TAFA2: variants seen among roughly 807,000 people sequenced by gnomAD.
TAFA2 encodes the protein TAFA chemokine like family member 2.
In TAFA2, 7 loss-of-function variants were observed where a neutral mutation model predicts 18.8. The ratio of observed to expected loss-of-function variants is 0.37; its 90% CI spans 0.21 to 0.70. TAFA2 has a LOEUF of 0.70. Ranked by LOEUF, TAFA2 falls within the 30% of genes least tolerant of loss-of-function variation. TAFA2 has a pLI of 0.53. For synonymous variants in TAFA2, 60 were observed against 54.2 expected (o/e 1.11, Z -0.47); for missense variants, 122 against 158.1 (o/e 0.77, Z 1.23).
intron 1 of TAFA2, among the ~76,000 whole-genome samples, chr12:61,966,024 C>T (rs993154182): frequency 3.3e-5 from 5 of 151,668 alleles, no homozygotes; most frequent in African/African-American, 7.3e-5. Flanking sequence ...TCGCTGTGAA[C>T]GTGGGGGTAT....
upstream of TAFA2, among the ~76,000 whole-genome samples, chr12:62,194,675 C>A (rs891909198): frequency 6.6e-6 from 1 of 152,158 alleles, no homozygotes; most frequent in African/African-American, 2.4e-5. Context: ...AAAATAAAAT[C>A]TTTTGCATTC....
At chr12:61,713,163 T>G (rs1592338113) in intron 4 of TAFA2, among the ~76,000 whole-genome samples, 1 of 152,282 alleles carries the variant, frequency 6.6e-6, no homozygotes, top group South Asian at 2.1e-4. Flanking sequence ...GTAAACACAA[T>G]GTAGCCCACT....
At chr12:61,735,720 A>AT (rs1868293263) in intron 4 of TAFA2, among the ~76,000 whole-genome samples, 1 of 151,730 alleles carries the variant, frequency 6.6e-6, no homozygotes, top group Non-Finnish European at 1.5e-5. Context: ...TCTTTCACAA[A>AT]TTTTTTAATG....
Position 62,248,105 on chromosome 12 carries a change from C to G in TAFA2, c.-130+10658G>C, listed in dbSNP as rs114822104. On this transcript the variant is annotated intron_variant, in intron 1 of 5. Coordinates refer to the TAFA2 transcript ENST00000551619. ...TAAAAGAAAGCTCTCAGAAAAAAGG[C>G]GGTCCTTTCAACAGGCTTCCACCTC... is the stretch of plus-strand genomic sequence containing the variant. 9.3e-3 allele frequency among the ~76,000 whole-genome samples: 1,414 copies of G among 152,218 alleles called. 19 individuals are homozygous for G. The highest frequency in any genetic ancestry group is 0.028 in the African/African-American group (1,156 of 41,532).
intron 4 of TAFA2, among the ~76,000 whole-genome samples, chr12:61,745,028 A>G (rs1274317890): frequency 6.6e-6 from 1 of 152,232 alleles, no homozygotes; most frequent in East Asian, 1.9e-4. Context: ...TATGTTTCAC[A>G]TCTCCATATC....
chr12:61,869,281 A>T (rs1306639714), intron 1 of TAFA2, among the ~76,000 whole-genome samples: 1 of 152,198 alleles, frequency 6.6e-6, no homozygotes, highest in Non-Finnish European at 1.5e-5. Context: ...AATAATTCAG[A>T]TTATTTTCAT....
At chr12:62,184,502 C>CTTTTTTT (rs10526118) in intron 1 of TAFA2, among the ~76,000 whole-genome samples, 1 of 106,170 alleles carries the variant, frequency 9.4e-6, no homozygotes, top group Non-Finnish European at 1.8e-5. Flanking sequence ...AAAAAAAATT[C>CTTTTTTT]TTTTTTTTTT....
intron 2 of TAFA2, among the ~76,000 whole-genome samples, chr12:61,788,854 G>A (rs1870852792): frequency 6.6e-6 from 1 of 151,680 alleles, no homozygotes; most frequent in African/African-American, 2.4e-5. Context: ...TATAAAATCT[G>A]AACAAACCAA....
chr12:62,174,792 C>T (rs1488000102), intron 1 of TAFA2, among the ~76,000 whole-genome samples: 3 of 152,104 alleles, frequency 2.0e-5, no homozygotes, highest in East Asian at 1.9e-4. Context: ...ATTTTGAATA[C>T]GAATATTTCT....
At chr12:61,956,214 C>G (rs1466547904) in intron 1 of TAFA2, among the ~76,000 whole-genome samples, 2 of 152,062 alleles carry the variant, frequency 1.3e-5, no homozygotes, top group East Asian at 3.9e-4. Context: ...AATTATTTAG[C>G]AATGCATTCC....
chr12:61,867,473 C>G (rs1022649708), intron 1 of TAFA2, 47 bp from the exon 2 acceptor site: 1 of 1,174,612 alleles, frequency 8.5e-7, no homozygotes, highest in African/African-American at 1.5e-5. Context: ...AAATTCATAG[C>G]TTTTCCCTTA....
At chr12:61,849,461 A>G (rs1471484478) in intron 2 of TAFA2, among the ~76,000 whole-genome samples, 2 of 152,204 alleles carry the variant, frequency 1.3e-5, no homozygotes, top group Non-Finnish European at 2.9e-5. Flanking sequence ...TGGTAAATTT[A>G]ATTCCCAGCC....
At chr12:61,832,209 T>G (rs1056895981) in intron 2 of TAFA2, among the ~76,000 whole-genome samples, 1 of 152,048 alleles carries the variant, frequency 6.6e-6, no homozygotes, top group Non-Finnish European at 1.5e-5. Flanking sequence ...AGAATAGCAC[T>G]GTATGGATTT....
chr12:61,762,105 G>T (rs1485189734), intron 2 of TAFA2, among the ~76,000 whole-genome samples: 1 of 152,030 alleles, frequency 6.6e-6, no homozygotes, highest in Non-Finnish European at 1.5e-5. Flanking sequence ...CCAGCATCAT[G>T]CTTGCTGTAC....
chr12:61,775,245 G>A (rs578114747), intron 2 of TAFA2, among the ~76,000 whole-genome samples: 4 of 151,832 alleles, frequency 2.6e-5, no homozygotes, highest in African/African-American at 4.8e-5. Flanking sequence ...AAGACAATAC[G>A]GTAGTTTCAT....
intron 2 of TAFA2, among the ~76,000 whole-genome samples, chr12:61,818,553 C>A (rs1872190564): frequency 6.6e-6 from 1 of 151,122 alleles, no homozygotes; most frequent in East Asian, 2.0e-4. Context: ...CTATTGTATA[C>A]CCATGTATAG....
chr12:62,024,849 A>T (rs1881262906), intron 1 of TAFA2, among the ~76,000 whole-genome samples: 1 of 152,162 alleles, frequency 6.6e-6, no homozygotes, highest in South Asian at 2.1e-4. Context: ...AACTACAAAC[A>T]TATGAAAAAT....
At chr12:62,025,526 G>C (rs188288112) in intron 1 of TAFA2, among the ~76,000 whole-genome samples, 167 of 152,252 alleles carry the variant, frequency 1.1e-3, no homozygotes, top group Non-Finnish European at 2.1e-3. Flanking sequence ...GTAGGAAATA[G>C]ATTTTTTAAA....
chr12:62,001,573 C>G (rs1345216855), intron 1 of TAFA2, among the ~76,000 whole-genome samples: 1 of 151,934 alleles, frequency 6.6e-6, no homozygotes, highest in Non-Finnish European at 1.5e-5. Context: ...AGGGTTTGTG[C>G]TCCTATGAGA....
Sources: allele counts gnomAD v4.1 joint callset (sites outside exome capture counted in the v4.1 genomes callset), GRCh38; gene constraint gnomAD v4.1.1; transcripts MANE v1.5; gene names NCBI Gene and HGNC (gene_info 2026-07-23, HGNC 2026-07-21).